SLC5A4: variants seen among roughly 807,000 people sequenced by gnomAD.
The protein encoded by SLC5A4 is probable glucose sensor protein SLC5A4.
In SLC5A4, 55 loss-of-function variants were observed where a neutral mutation model predicts 70.3. That is an observed-to-expected ratio of 0.78 (90% CI 0.63 to 0.98). The LOEUF (loss-of-function observed/expected upper bound fraction) is 0.98. Among genes scored for constraint, SLC5A4 ranks in the 50% least tolerant of loss-of-function variants. The pLI is 0.00. For missense variants in SLC5A4, 735 were observed against 839.2 expected, an observed-to-expected ratio of 0.88 and a Z score of 1.53; for synonymous variants, 268 against 305.7, an observed-to-expected ratio of 0.88 and a Z score of 1.29.
chr22:32,253,962 T>C (rs1040070388), intron 2 of SLC5A4, among the ~76,000 whole-genome samples, 180 bp downstream of exon 2: 16 of 152,256 alleles, frequency 1.1e-4, no homozygotes, highest in African/African-American at 3.4e-4. Flanking sequence ...TTTGTATTTT[T>C]AGTAGAGATG....
At chr22:32,274,068 C>T in the SLC5A4 span, among the ~76,000 whole-genome samples, 1 of 145,612 alleles carries the variant, frequency 6.9e-6, no homozygotes, top group Admixed American at 7.0e-5. Flanking sequence ...GAGACAGAGT[C>T]TCGCTCTGTC....
chr22:32,282,566 T>A, the SLC5A4 span, among the ~76,000 whole-genome samples: 1 of 152,236 alleles, frequency 6.6e-6, no homozygotes. Context: ...TCATCCTGCC[T>A]TGGGCTTTTA....
the SLC5A4 span, chr22:32,268,273 T>G: frequency 6.6e-6 from 1 of 151,388 alleles, no homozygotes; most frequent in Admixed American, 6.6e-5. Context: ...TAATAGCATG[T>G]ACATTTTTCC....
the SLC5A4 span, among the ~76,000 whole-genome samples, chr22:32,320,884 G>A: frequency 1.3e-5 from 2 of 151,454 alleles, no homozygotes; most frequent in African/African-American, 2.4e-5. Context: ...CTCTGTGGAC[G>A]ATCCGGCAAC....
In SLC5A4 at chr22:32,229,192, AC is replaced by A; in HGVS notation, c.1280+1del. On this transcript the variant is annotated splice_donor_variant, in intron 11 of 14. Transcript: ENST00000266086. LOFTEE classifies it high-confidence loss of function. ...TCTAGGTGGGAACCAGGGTTCACTCACCGTCCAGCTATCAGGAGCTCTTTCT... is the reference window on the plus strand; with the variant it reads ...TCTAGGTGGGAACCAGGGTTCACTCACGTCCAGCTATCAGGAGCTCTTTCT... 6.2e-7 allele frequency: 1 copy of A among 1,613,298 alleles called. No individual in the cohort carries two copies. The highest frequency in any genetic ancestry group is 1.1e-5 in the South Asian group (1 of 90,958).
At chr22:32,241,974 A>C (rs548547644) in intron 5 of SLC5A4, among the ~76,000 whole-genome samples, 1 of 151,820 alleles carries the variant, frequency 6.6e-6, no homozygotes, top group East Asian at 1.9e-4. Context: ...GCAATAAAAT[A>C]CTCTATAGAG....
the SLC5A4 span, among the ~76,000 whole-genome samples, chr22:32,306,616 G>A: frequency 1.3e-5 from 2 of 152,152 alleles, no homozygotes; most frequent in East Asian, 1.9e-4. Flanking sequence ...CTGCTCACAT[G>A]AAGCCAGAGT....
chr22:32,325,288 C>T, the SLC5A4 span, among the ~76,000 whole-genome samples: 1 of 152,242 alleles, frequency 6.6e-6, no homozygotes, highest in Non-Finnish European at 1.5e-5. Context: ...GGAGCCACAC[C>T]AGGACCCCAA....
chr22:32,264,695 G>GAAGACATCT, the SLC5A4 span, among the ~76,000 whole-genome samples: 1 of 152,136 alleles, frequency 6.6e-6, no homozygotes, highest in East Asian at 1.9e-4. Flanking sequence ...CATTTAAAAA[G>GAAGACATCT]AAGACATCTA....
intron 14 of SLC5A4, 49 bp from the exon 15 acceptor site, chr22:32,218,774 A>G (rs1296537026): frequency 1.4e-6 from 2 of 1,433,694 alleles, no homozygotes; most frequent in African/African-American, 1.4e-5. Context: ...ATCACAAAGG[A>G]ACTAGAAATC....
the SLC5A4 span, among the ~76,000 whole-genome samples, chr22:32,322,266 A>G: frequency 3.3e-5 from 5 of 152,204 alleles, no homozygotes; most frequent in African/African-American, 1.2e-4. Context: ...TTAGGTGGAA[A>G]CTTACAACAG....
chr22:32,241,859 GTGTA>G (rs1926546081), intron 5 of SLC5A4, among the ~76,000 whole-genome samples: 2 of 134,946 alleles, frequency 1.5e-5, no homozygotes, highest in South Asian at 4.4e-4. Context: ...GTGTGTGTGT[GTGTA>G]TATATATGTG....
At chr22:32,330,949 C>CTGGTGCGTGTATGTTGGGGGCTT in the SLC5A4 span, among the ~76,000 whole-genome samples, 1 of 7,594 alleles carries the variant, frequency 1.3e-4, no homozygotes, top group Non-Finnish European at 2.6e-4. Context: ...GTTGGAGGCT[C>CTGGTGCGTGTATGTTGGGGGCTT]TGGTGTGTGT....
intron 5 of SLC5A4, among the ~76,000 whole-genome samples, chr22:32,239,804 C>A (rs56006923): frequency 0.064 from 9,537 of 147,976 alleles, 318 homozygotes; most frequent in Admixed American, 0.077. Flanking sequence ...GCAGGTGGAT[C>A]ACGAGGTCAG....
At chr22:32,253,859 C>T (rs1357795638) in intron 2 of SLC5A4, among the ~76,000 whole-genome samples, 5 of 151,940 alleles carry the variant, frequency 3.3e-5, no homozygotes, top group African/African-American at 1.2e-4. Flanking sequence ...AGGCTCACTG[C>T]AACCTCTGCC....
the SLC5A4 span, among the ~76,000 whole-genome samples, chr22:32,262,346 TCACAGC>T: frequency 2.0e-5 from 3 of 152,058 alleles, no homozygotes; most frequent in African/African-American, 7.2e-5. Context: ...CCTCTGCCAG[TCACAGC>T]CACAGCCACA....
the SLC5A4 span, among the ~76,000 whole-genome samples, chr22:32,275,988 C>T: frequency 3.3e-5 from 5 of 152,240 alleles, no homozygotes; most frequent in East Asian, 1.9e-4. Context: ...CATTTTTTCA[C>T]GTGTCTTTTG....
the SLC5A4 span, among the ~76,000 whole-genome samples, chr22:32,266,141 C>A: frequency 1.3e-5 from 2 of 152,098 alleles, no homozygotes; most frequent in East Asian, 3.9e-4. Context: ...GAAACTTTGC[C>A]TTTGAATTTA....
the SLC5A4 span, among the ~76,000 whole-genome samples, chr22:32,330,685 G>A: frequency 2.0e-5 from 2 of 100,638 alleles, no homozygotes; most frequent in Non-Finnish European, 3.9e-5. Context: ...GGGCTCTGGT[G>A]TGTGTGTTGG....
Sources: allele counts gnomAD v4.1 joint callset (sites outside exome capture counted in the v4.1 genomes callset), GRCh38; gene constraint gnomAD v4.1.1; transcripts MANE v1.5; gene names NCBI Gene and HGNC (gene_info 2026-07-23, HGNC 2026-07-21).